Variants in HERC2 observed in about 807,000 individuals in gnomAD.
HERC2 encodes E3 ubiquitin-protein ligase HERC2.
Under a neutral mutation model 537.7 loss-of-function variants are expected in HERC2, and 102 were observed. The observed-to-expected ratio is 0.19, with a 90% CI of 0.16 to 0.22. The LOEUF (loss-of-function observed/expected upper bound fraction) is 0.22. HERC2 is among the 10% of genes least tolerant of loss of function. The pLI is 1.00. For missense variants in HERC2, 4,236 were observed against 6,198.2 expected (o/e 0.68, Z 10.63); for synonymous variants, 2,224 against 2,466.2 (o/e 0.90, Z 2.91).
intron 69 of HERC2, among the ~76,000 whole-genome samples, chr15:28,162,687 A>C (rs1458029411): frequency 1.3e-5 from 2 of 152,170 alleles, no homozygotes; most frequent in African/African-American, 4.8e-5. Context: ...CAGGAGATCA[A>C]GACCATCCTG....
intron 4 of HERC2, among the ~76,000 whole-genome samples, chr15:28,281,002 C>A (rs776901892): frequency 5.9e-5 from 9 of 152,014 alleles, no homozygotes; most frequent in Non-Finnish European, 1.3e-4. Context: ...AAACACTAGC[C>A]ATTATTTTCA....
chr15:28,212,233 A>AGTGTGGCTCCGAACATGGCGAC (rs1197721452), intron 43 of HERC2, among the ~76,000 whole-genome samples: 1 of 152,198 alleles, frequency 6.6e-6, no homozygotes, highest in Non-Finnish European at 1.5e-5. Context: ...GGGTTCTTCA[A>AGTGTGGCTCCGAACATGGCGAC]GTGTGGCTCC....
chr15:28,192,930 C>T (rs1365039363), intron 52 of HERC2, among the ~76,000 whole-genome samples: 1 of 148,076 alleles, frequency 6.8e-6, no homozygotes, highest in East Asian at 2.0e-4. Flanking sequence ...TTGGGTTTCC[C>T]TTTTTTTTTT....
At chr15:28,152,905 G>A (rs563496910) in intron 69 of HERC2, 75 bp from the exon 70 acceptor site, 39 of 1,426,910 alleles carry the variant, frequency 2.7e-5, no homozygotes, top group Non-Finnish European at 3.3e-5. Context: ...ACCTCTGCCC[G>A]TCCTGCTCAG....
chr15:28,257,016 T>C, intron 17 of HERC2, 45 bp downstream of exon 17: 1 of 1,522,206 alleles, frequency 6.6e-7, no homozygotes, highest in Non-Finnish European at 9.1e-7. Context: ...TACAAATCCC[T>C]AAGACACTTA....
At chr15:28,115,902 G>T (rs1351238931) in intron 88 of HERC2, among the ~76,000 whole-genome samples, 1 of 152,188 alleles carries the variant, frequency 6.6e-6, no homozygotes, top group Admixed American at 6.5e-5. Context: ...ACGCACAGCC[G>T]AGGACACCCT....
intron 2 of HERC2, chr15:28,320,535 T>C (rs2077202948): frequency 6.6e-6 from 1 of 151,786 alleles, no homozygotes; most frequent in Non-Finnish European, 1.5e-5. Context: ...GATCAACTAC[T>C]GCTTAACAGC....
In HERC2 at chr15:28,177,224, A is replaced by G. The variant is rs1026887788; in HGVS notation, c.9255-97T>C. 1.3e-5 allele frequency: 17 copies of G among 1,295,114 alleles called. No homozygotes were observed. In the East Asian group the frequency reaches 3.7e-4, roughly 28 times the overall value. 80.2% of individuals were successfully genotyped at this position (1,295,114 alleles called of 1,614,324 possible). Reference sequence around the variant, plus strand: ...ATACTGATCCACATGTAGTCAACACAGGATCCACAGATCAACTATCAAAAC... The same window carrying G: ...ATACTGATCCACATGTAGTCAACACGGGATCCACAGATCAACTATCAAAAC... On this transcript the variant is annotated intron_variant, in intron 60 of 92. Transcript: ENST00000261609. The surrounding 1 kb of genome is among the most constrained non-coding windows in gnomAD (Gnocchi z 5.0).
At chr15:28,216,930 CCA>C (rs1048949074) in intron 38 of HERC2, among the ~76,000 whole-genome samples, 3 of 152,022 alleles carry the variant, frequency 2.0e-5, no homozygotes, top group South Asian at 2.1e-4. Flanking sequence ...ACACCTTTAC[CCA>C]CACACTTTCT....
chr15:28,245,749 T>A (rs925378482), intron 23 of HERC2, 132 bp downstream of exon 23: 32 of 822,076 alleles, frequency 3.9e-5, no homozygotes, highest in Admixed American at 1.1e-4. Flanking sequence ...TATCTCCATT[T>A]TTTACTTATA....
rs1164101918 is a variant in HERC2, at chr15:28,209,940, C to CTTT, written c.7069+1059_7069+1061dup. Among the ~76,000 whole-genome samples, 292 of 77,358 alleles carry CTTT rather than the reference C, an allele frequency of 3.8e-3. 31 individuals carry two copies. The highest frequency in any genetic ancestry group is 8.0e-3 in the East Asian group (16 of 1,998). 50.7% of individuals were successfully genotyped at this position (77,358 alleles called of 152,430 possible). ...ATAACGACACTGTTGAATACATTAT[C>CTTT]TTTTTTTTTTTTTTTTTTTTTTTTT... On this transcript the variant is annotated intron_variant, in intron 44 of 92. Coordinates refer to ENST00000261609, the MANE Select transcript of HERC2 (RefSeq NM_004667.6).
chr15:28,123,320 G>A (rs1889128013), intron 85 of HERC2, among the ~76,000 whole-genome samples: 1 of 152,158 alleles, frequency 6.6e-6, no homozygotes, highest in South Asian at 2.1e-4. Flanking sequence ...AAATACATTA[G>A]AGAATCACAA....
intron 2 of HERC2, among the ~76,000 whole-genome samples, chr15:28,319,711 T>C (rs1312036120): frequency 6.6e-6 from 1 of 151,726 alleles, no homozygotes; most frequent in African/African-American, 2.4e-5. Context: ...GGTGCTTCAC[T>C]GTATGTTTAT....
At chr15:28,321,079 G>C (rs1208123615) in intron 2 of HERC2, among the ~76,000 whole-genome samples, 1 of 151,998 alleles carries the variant, frequency 6.6e-6, no homozygotes, top group Non-Finnish European at 1.5e-5. Context: ...TTAGGAGTGT[G>C]GCAGATTTCT....
chr15:28,132,923 T>C (rs1199948454), intron 79 of HERC2, 93 bp from the exon 80 acceptor site: 14 of 1,024,598 alleles, frequency 1.4e-5, no homozygotes, highest in Non-Finnish European at 1.8e-5. Flanking sequence ...ACCTTCCTAA[T>C]CAGTTAATTG....
At chr15:28,143,670 T>C (rs1301824198) in intron 74 of HERC2, among the ~76,000 whole-genome samples, 1 of 152,002 alleles carries the variant, frequency 6.6e-6, no homozygotes, top group Non-Finnish European at 1.5e-5. Context: ...ATGGTCTCGA[T>C]CTCCTGACCT....
intron 35 of HERC2, among the ~76,000 whole-genome samples, chr15:28,224,206 T>C (rs1331922804): frequency 1.4e-5 from 2 of 142,554 alleles, no homozygotes. Flanking sequence ...GACAGATAGA[T>C]AGAAAGATTC....
At chr15:28,257,369 C>G (rs1335335868) in intron 16 of HERC2, 108 bp from the exon 17 acceptor site, 4 of 888,948 alleles carry the variant, frequency 4.5e-6, no homozygotes, top group Non-Finnish European at 7.1e-6. Context: ...TATTACCTAT[C>G]ATCCCTCGAA....
intron 70 of HERC2, among the ~76,000 whole-genome samples, chr15:28,152,379 A>C (rs1435213375): frequency 6.6e-6 from 1 of 152,248 alleles, no homozygotes; most frequent in Admixed American, 6.5e-5. Context: ...GAGGAACATC[A>C]GGGGATACAC....
Sources: allele counts gnomAD v4.1 joint callset (sites outside exome capture counted in the v4.1 genomes callset), GRCh38; gene constraint gnomAD v4.1.1; non-coding constraint Gnocchi (gnomAD v3.1); transcripts MANE v1.5; gene names NCBI Gene and HGNC (gene_info 2026-07-23, HGNC 2026-07-21).